Variants in KIAA1549L observed in about 807,000 individuals in gnomAD.
KIAA1549L encodes KIAA1549 like.
A neutral mutation model predicts 160.7 loss-of-function variants in KIAA1549L; 88 were observed. That is an observed-to-expected ratio of 0.55 (90% CI 0.46 to 0.65). The LOEUF is 0.65. KIAA1549L is among the 30% of genes least tolerant of loss of function. The probability of loss-of-function intolerance (pLI) is 0.00; values close to 1 mark genes in which losing one functional copy is unlikely to be tolerated. For missense variants in KIAA1549L, 2,258 were observed against 2,437.5 expected (o/e 0.93, Z 1.55); for synonymous variants, 950 against 976.7 (o/e 0.97, Z 0.51).
intron 1 of KIAA1549L, among the ~76,000 whole-genome samples, chr11:33,538,028 A>G (rs1798550311): frequency 6.6e-6 from 1 of 152,170 alleles, no homozygotes; most frequent in African/African-American, 2.4e-5. Context: ...GTTTTAATTG[A>G]CTCACAGATC....
chr11:33,668,479 A>C lies in KIAA1549L; in HGVS notation c.*325A>C. The C allele has an allele frequency of 5.6e-6, 2 of 355,820 alleles. No homozygotes were observed. Among genetic ancestry groups the C allele is most frequent in the Non-Finnish European group, 5.2e-6 (1 of 192,978 alleles). 22.0% of individuals were successfully genotyped at this position (355,820 alleles called of 1,614,324 possible). On this transcript the variant is annotated 3_prime_UTR_variant, in exon 21 of 21. Coordinates refer to ENST00000658780, the MANE Select transcript of KIAA1549L (RefSeq NM_012194.3). ...TAGCTAATCTACAGATTCCTATCCA[A>C]TGCCACATTTTAATAAATCACCGGA...
chr11:33,506,139 G>A (rs1853080736), intron 1 of KIAA1549L, among the ~76,000 whole-genome samples: 1 of 152,172 alleles, frequency 6.6e-6, no homozygotes, highest in Admixed American at 6.5e-5. Context: ...TACTTGTTAT[G>A]CTGACTTACC....
In KIAA1549L at chr11:33,593,964, C is replaced by T. The variant is rs568940954; in HGVS notation, c.4751+2543C>T. Among the ~76,000 whole-genome samples, 5 of 152,056 alleles carry T rather than the reference C, an allele frequency of 3.3e-5. No homozygotes were observed. The East Asian group carries it at 9.7e-4, about 29-fold the overall frequency. Reference sequence around the variant, plus strand: ...AAGATCCAAGAACTGAACCCTGGAACATTGTCATGATTAGAGGTCCAGAAG... The same window carrying T: ...AAGATCCAAGAACTGAACCCTGGAATATTGTCATGATTAGAGGTCCAGAAG... On this transcript the variant is annotated intron_variant, in intron 12 of 20. Coordinates refer to ENST00000658780, the MANE Select transcript of KIAA1549L (RefSeq NM_012194.3).
chr11:33,526,676 G>T (rs1264781807), intron 1 of KIAA1549L, among the ~76,000 whole-genome samples: 1 of 152,188 alleles, frequency 6.6e-6, no homozygotes, highest in African/African-American at 2.4e-5. Flanking sequence ...TTGAGTTCCA[G>T]ATTTTTCCAC....
rs11826596 is a variant in KIAA1549L at position 33,638,869 on chromosome 11, G to A, written c.5410-6817G>A. Among the ~76,000 whole-genome samples the A allele has an allele frequency of 7.5e-3, 1,144 of 152,184 alleles. 12 individuals are homozygous for A. Among genetic ancestry groups the A allele is most frequent in the African/African-American group, 0.018 (755 of 41,524 alleles). On this transcript the variant is annotated intron_variant, in intron 16 of 20. Transcript: ENST00000658780. The stretch of plus-strand genomic sequence containing the variant: ...ATGATATAATTTCCTTATTCCTAAT[G>A]ATGTTGATCATCTTTCCACGTGTTT...
chr11:33,636,918 C>T (rs574214542), intron 16 of KIAA1549L, among the ~76,000 whole-genome samples: 67 of 152,188 alleles, frequency 4.4e-4, no homozygotes, highest in African/African-American at 1.6e-3. Flanking sequence ...AGCACAGTGT[C>T]GGGAAGGCTA....
rs527839579 is a variant in KIAA1549L at position 33,541,988 on chromosome 11, C to T, written c.425C>T (p.Ala142Val). Reference protein sequence around the residue: ...TSLPQSARTPASKTHHRTRAH... With the variant: ...TSLPQSARTPVSKTHHRTRAH... ...TTGCCACAGTCAGCCCGAACCCCTG[C>T]GTCCAAGACACACCACAGAACTAGG... Residue 142 changes from alanine to valine, a missense_variant, in exon 2 of 21, where the codon GCG (alanine) becomes GTG (valine). Around this residue, in one of 6 missense-constraint regions of KIAA1549L, gnomAD observed 540 missense variants for 465.7 expected, o/e 1.16. Transcript: ENST00000658780. 2.4e-5 allele frequency: 10 copies of T among 417,436 alleles called. No homozygotes were observed. The highest frequency in any genetic ancestry group is 9.8e-5 in the Admixed American group (4 of 40,650). The allele number at this position is 417,436 out of a possible 1,614,324, so 25.9% of individuals were successfully genotyped here.
chr11:33,435,776 A>ATGTGTGTGTGTGTG (rs1565135708), intron 1 of KIAA1549L, among the ~76,000 whole-genome samples: 3 of 9,896 alleles, frequency 3.0e-4, no homozygotes, highest in Admixed American at 1.4e-3. Flanking sequence ...ATATATATAT[A>ATGTGTGTGTGTGTG]TATATATATA....
chr11:33,644,704 A>G (rs1180358258), intron 16 of KIAA1549L, among the ~76,000 whole-genome samples: 1 of 152,272 alleles, frequency 6.6e-6, no homozygotes, highest in East Asian at 1.9e-4. Flanking sequence ...CCTGTCTTTT[A>G]TCTTCTCTGT....
intron 1 of KIAA1549L, among the ~76,000 whole-genome samples, chr11:33,435,252 T>G (rs552703525): frequency 1.3e-5 from 2 of 152,344 alleles, no homozygotes; most frequent in South Asian, 4.1e-4. Flanking sequence ...GCTAATTAAC[T>G]TGGAGTACTA....
chr11:33,540,489 T>C (rs1853993809), intron 1 of KIAA1549L, among the ~76,000 whole-genome samples: 1 of 152,182 alleles, frequency 6.6e-6, no homozygotes, highest in Non-Finnish European at 1.5e-5. Flanking sequence ...ATTGAGGCTA[T>C]CTAGGAGATA....
At chr11:33,599,619 GTTTA>G (rs1850301662) in intron 13 of KIAA1549L, 1 of 152,208 alleles carries the variant, frequency 6.6e-6, no homozygotes, top group Non-Finnish European at 1.5e-5. Context: ...TGGCGTTGGG[GTTTA>G]TTTATCAGTC....
At chr11:33,413,211 T>G (rs908865998) in intron 1 of KIAA1549L, among the ~76,000 whole-genome samples, 1 of 152,140 alleles carries the variant, frequency 6.6e-6, no homozygotes, top group Non-Finnish European at 1.5e-5. Flanking sequence ...AGAAACTAGC[T>G]TTGCTTTGTT....
intron 1 of KIAA1549L, among the ~76,000 whole-genome samples, chr11:33,449,668 A>G (rs1480630184): frequency 6.6e-6 from 1 of 151,534 alleles, no homozygotes; most frequent in Non-Finnish European, 1.5e-5. Context: ...CCACCTCCTG[A>G]TGGTCCTCTC....
At chr11:33,592,555 A>G (rs1565202141) in intron 12 of KIAA1549L, among the ~76,000 whole-genome samples, 1 of 141,914 alleles carries the variant, frequency 7.0e-6, no homozygotes, top group Non-Finnish European at 1.6e-5. Context: ...CCTTTTATCT[A>G]ACATGTGTAT....
At chr11:33,537,437 G>A (rs1412475406) in intron 1 of KIAA1549L, among the ~76,000 whole-genome samples, 1 of 152,146 alleles carries the variant, frequency 6.6e-6, no homozygotes, top group African/African-American at 2.4e-5. Flanking sequence ...GCAGATGGAA[G>A]GTAGAAAAGG....
At chr11:33,523,998 A>T (rs1853556483) in intron 1 of KIAA1549L, among the ~76,000 whole-genome samples, 1 of 152,168 alleles carries the variant, frequency 6.6e-6, no homozygotes, top group African/African-American at 2.4e-5. Context: ...CTGGTTTCAT[A>T]AAATGAATTG....
rs1295177588 is a variant in KIAA1549L at position 33,669,054 on chromosome 11, T to G, written c.*900T>G. On this transcript the variant is annotated 3_prime_UTR_variant, in exon 21 of 21. Coordinates refer to ENST00000658780, the MANE Select transcript of KIAA1549L (RefSeq NM_012194.3). ...ACATCAACTTTTACAAGAAAATCTC[T>G]GTCTCTTCAACAATGATGTCCAGTG... The G allele has an allele frequency of 6.6e-6, 1 of 152,222 alleles. No homozygotes were observed. The highest frequency in any genetic ancestry group is 2.4e-5 in the African/African-American group (1 of 41,450). The allele number at this position is 152,222 out of a possible 1,614,324, so 9.4% of individuals were successfully genotyped here.
chr11:33,428,212 G>T (rs1037541345), intron 1 of KIAA1549L, among the ~76,000 whole-genome samples: 4 of 152,226 alleles, frequency 2.6e-5, no homozygotes, highest in Non-Finnish European at 5.9e-5. Flanking sequence ...CTTGGACCAA[G>T]TGGCTGGGCC....
Sources: allele counts gnomAD v4.1 joint callset (sites outside exome capture counted in the v4.1 genomes callset), GRCh38; gene constraint gnomAD v4.1.1; regional missense constraint gnomAD v4.1.1; transcripts MANE v1.5; gene names NCBI Gene and HGNC (gene_info 2026-07-23, HGNC 2026-07-21).